The following DYNC1I1 variants were observed in gnomAD, a reference collection of about 807,000 sequenced individuals.
DYNC1I1 encodes cytoplasmic dynein 1 intermediate chain 1.
Under a neutral mutation model 86.6 loss-of-function variants are expected in DYNC1I1, and 43 were observed. The ratio of observed to expected loss-of-function variants is 0.50; its 90% CI spans 0.39 to 0.64. The LOEUF (loss-of-function observed/expected upper bound fraction) is 0.64. Ranked by LOEUF, DYNC1I1 falls within the 30% of genes least tolerant of loss-of-function variation. DYNC1I1 has a pLI of 0.00. For missense variants in DYNC1I1, 604 were observed against 788.8 expected (o/e 0.77, Z 2.81); for synonymous variants, 262 against 283.7 (o/e 0.92, Z 0.77).
intron 14 of DYNC1I1, among the ~76,000 whole-genome samples, chr7:96,072,159 C>T (rs1253619057): frequency 6.6e-6 from 1 of 152,204 alleles, no homozygotes; most frequent in Non-Finnish European, 1.5e-5. Context: ...AATTTACCCT[C>T]CCTTGCCCTT....
intron 16 of DYNC1I1, among the ~76,000 whole-genome samples, chr7:96,091,333 TGTC>T (rs1790839251): frequency 1.3e-5 from 2 of 152,212 alleles, no homozygotes; most frequent in African/African-American, 2.4e-5. Context: ...AGAGATGAAT[TGTC>T]GTGTATCTCT....
At chr7:96,007,184 T>A (rs2115826054) in intron 10 of DYNC1I1, among the ~76,000 whole-genome samples, 1 of 152,338 alleles carries the variant, frequency 6.6e-6, no homozygotes, top group Middle Eastern at 3.4e-3. Context: ...TAGCTAGTAC[T>A]TGTGTTACAG....
intron 10 of DYNC1I1, among the ~76,000 whole-genome samples, chr7:96,020,704 AC>A (rs1794525216): frequency 6.6e-6 from 1 of 152,208 alleles, no homozygotes; most frequent in South Asian, 2.1e-4. Flanking sequence ...TTAGTTGTGC[AC>A]CCATATTCTT....
chr7:96,084,532 C>T (rs1346291347), intron 16 of DYNC1I1, among the ~76,000 whole-genome samples: 5 of 147,732 alleles, frequency 3.4e-5, no homozygotes, highest in African/African-American at 7.5e-5. Context: ...AAGCAATTCT[C>T]CTGCCTTAGC....
intron 9 of DYNC1I1, among the ~76,000 whole-genome samples, chr7:95,991,028 T>TTAAAATAAAATAAAA (rs71292964): frequency 4.0e-5 from 6 of 148,538 alleles, no homozygotes; most frequent in Admixed American, 1.3e-4. Flanking sequence ...GACCCTGTCT[T>TTAAAATAAAATAAAA]TAAAATAAAA....
At chr7:95,894,461 G>A (rs977472338) in intron 6 of DYNC1I1, among the ~76,000 whole-genome samples, 1 of 151,810 alleles carries the variant, frequency 6.6e-6, no homozygotes, top group African/African-American at 2.4e-5. Flanking sequence ...CTGAATTTGG[G>A]GGGGGGACAT....
At chr7:95,860,763 C>T (rs1191958012) in intron 5 of DYNC1I1, among the ~76,000 whole-genome samples, 2 of 152,148 alleles carry the variant, frequency 1.3e-5, no homozygotes, top group Non-Finnish European at 1.5e-5. Flanking sequence ...GCTGCACCCT[C>T]ACATGGCAAA....
chr7:95,928,794 T>C (rs73710555), intron 6 of DYNC1I1, among the ~76,000 whole-genome samples: 6,727 of 152,270 alleles, frequency 0.044, 316 homozygotes, highest in East Asian at 0.17. Context: ...ATCCACCAAA[T>C]GGAGATAATA....
At chr7:96,000,294 C>A (rs768889875) in intron 10 of DYNC1I1, among the ~76,000 whole-genome samples, 2 of 152,122 alleles carry the variant, frequency 1.3e-5, no homozygotes, top group Admixed American at 6.6e-5. Context: ...GAGTGAGACC[C>A]AAACAGTTTT....
chr7:95,861,921 GCCTTTCTCTTTTTC>G (rs2116126555), intron 5 of DYNC1I1, among the ~76,000 whole-genome samples: 1 of 152,236 alleles, frequency 6.6e-6, no homozygotes, highest in South Asian at 2.1e-4. Context: ...CATGACAGAA[GCCTTTCTCTTTTTC>G]CCTGTTCAAT....
intron 10 of DYNC1I1, among the ~76,000 whole-genome samples, chr7:95,997,663 A>G (rs10265604): frequency 0.02 from 3,056 of 149,788 alleles, 112 homozygotes; most frequent in African/African-American, 0.07. Context: ...TCCAACAAAC[A>G]TTTTTTTTAG....
intron 6 of DYNC1I1, among the ~76,000 whole-genome samples, chr7:95,948,196 A>G (rs1792457855): frequency 1.3e-5 from 2 of 152,186 alleles, no homozygotes. Context: ...AGGCAGTAGT[A>G]TACCTATCTT....
chr7:96,015,129 T>A (rs991763227), intron 10 of DYNC1I1, among the ~76,000 whole-genome samples: 2 of 152,174 alleles, frequency 1.3e-5, no homozygotes, highest in Non-Finnish European at 2.9e-5. Context: ...TTGTATAAAA[T>A]CATTTTTTTC....
At chr7:95,927,560 A>T (rs1791778677) in intron 6 of DYNC1I1, among the ~76,000 whole-genome samples, 1 of 152,144 alleles carries the variant, frequency 6.6e-6, no homozygotes. Context: ...TCTATGGGTT[A>T]TGGAAGAATG....
intron 10 of DYNC1I1, among the ~76,000 whole-genome samples, chr7:96,013,881 A>T (rs1794339904): frequency 6.6e-6 from 1 of 152,158 alleles, no homozygotes; most frequent in Admixed American, 6.5e-5. Context: ...GATCCATTTT[A>T]TTGTACCCAT....
intron 10 of DYNC1I1, 44 bp downstream of exon 10, chr7:95,996,117 C>A: frequency 1.2e-6 from 2 of 1,612,472 alleles, no homozygotes; most frequent in Non-Finnish European, 1.7e-6. Flanking sequence ...TCCTGCTAGA[C>A]CAAATATAGT....
chr7:95,949,821 C>A (rs186876449), intron 6 of DYNC1I1, among the ~76,000 whole-genome samples: 3 of 152,296 alleles, frequency 2.0e-5, no homozygotes, highest in African/African-American at 7.2e-5. Context: ...CAACATCCAT[C>A]ATAACCAAAG....
At chr7:96,094,952 C>T (rs1790958360) in intron 16 of DYNC1I1, among the ~76,000 whole-genome samples, 1 of 152,132 alleles carries the variant, frequency 6.6e-6, no homozygotes, top group Non-Finnish European at 1.5e-5. Flanking sequence ...AAACTTCAAA[C>T]ATTTTGCCAG....
chr7:95,984,986 C>CTTGTTTT lies in DYNC1I1; in HGVS notation c.743+13_743+14insTTTTTGT, dbSNP rs1562963487. ...TTAGAGGAAAAAGATGGGTTAGTCT[C>CTTGTTTT]TTGTGTGCATTCTTTAAAAAATAGC... On this transcript the variant is annotated intron_variant, in intron 8 of 16. Coordinates refer to ENST00000447467, the MANE Select transcript of DYNC1I1 (RefSeq NM_001135556.2). 6.2e-7 allele frequency: 1 copy of CTTGTTTT among 1,609,640 alleles called. No individual in the cohort carries two copies. Among genetic ancestry groups the CTTGTTTT allele is most frequent in the Non-Finnish European group, 8.5e-7 (1 of 1,178,728 alleles).
Sources: gnomAD v4.1 joint callset for allele counts (sites outside exome capture counted in the v4.1 genomes callset) on GRCh38, gnomAD v4.1.1 for gene constraint, MANE v1.5 for transcripts, NCBI Gene and HGNC (gene_info 2026-07-23, HGNC 2026-07-21) for gene names.